The following ALKBH5 variants were observed in gnomAD, a reference collection of about 807,000 sequenced individuals.
The protein encoded by ALKBH5 is alkB homolog 5, RNA demethylase.
ALKBH5 carries 2 observed loss-of-function variants against 32.1 expected under a neutral mutation model. The observed-to-expected ratio is 0.06, with a 90% CI of 0.03 to 0.20. The LOEUF (loss-of-function observed/expected upper bound fraction) is 0.20. Among genes scored for constraint, ALKBH5 ranks in the 10% least tolerant of loss-of-function variants. ALKBH5 has a pLI of 1.00. For synonymous variants in ALKBH5, 300 were observed against 231.7 expected, an observed-to-expected ratio of 1.29 and a Z score of -2.68; for missense variants, 352 against 559.5, an observed-to-expected ratio of 0.63 and a Z score of 3.74.
intron 2 of ALKBH5, among the ~76,000 whole-genome samples, chr17:18,204,783 G>A (rs933034455): frequency 3.9e-5 from 6 of 151,932 alleles, no homozygotes; most frequent in African/African-American, 1.5e-4. Flanking sequence ...CTCATCTGGA[G>A]CCGGGCTTGA....
chr17:18,207,675 A>T lies in ALKBH5; in HGVS notation c.1008-544A>T, dbSNP rs546574579. 5.1e-3 allele frequency among the ~76,000 whole-genome samples: 778 copies of T among 151,872 alleles called. 3 individuals carry two copies. Among genetic ancestry groups the T allele is most frequent in the African/African-American group, 8.6e-3 (356 of 41,196 alleles). On this transcript the variant is annotated intron_variant, in intron 3 of 3. Transcript: ENST00000399138. ...AAGAATCCGTCTCAAAAAAAAAAAAAATATTTTTTAAGTGTTGGGGAAGGT... is the reference window on the plus strand; with the variant it reads ...AAGAATCCGTCTCAAAAAAAAAAAATATATTTTTTAAGTGTTGGGGAAGGT...
At chr17:18,206,085 C>G (rs1314894987) in intron 2 of ALKBH5, among the ~76,000 whole-genome samples, 2 of 152,170 alleles carry the variant, frequency 1.3e-5, no homozygotes, top group African/African-American at 4.8e-5. Flanking sequence ...GATCACTGCC[C>G]TGAGTTACCG....
intron 2 of ALKBH5, among the ~76,000 whole-genome samples, chr17:18,196,879 A>G (rs963981171): frequency 2.6e-5 from 4 of 152,158 alleles, no homozygotes; most frequent in African/African-American, 9.7e-5. Context: ...TCATTTATTC[A>G]ATCATTTATT....
chr17:18,190,173 C>T (rs1361214737), intron 1 of ALKBH5, among the ~76,000 whole-genome samples: 1 of 152,188 alleles, frequency 6.6e-6, no homozygotes, highest in Non-Finnish European at 1.5e-5. Flanking sequence ...AAATGGTGGC[C>T]ATCTTGGAAA....
intron 2 of ALKBH5, among the ~76,000 whole-genome samples, chr17:18,198,656 C>T (rs2047218560): frequency 6.6e-6 from 1 of 152,072 alleles, no homozygotes; most frequent in South Asian, 2.1e-4. Flanking sequence ...TGGTGGAGAC[C>T]CTGGGAGCTC....
intron 2 of ALKBH5, among the ~76,000 whole-genome samples, chr17:18,206,184 C>T (rs188263485): frequency 6.6e-6 from 1 of 152,302 alleles, no homozygotes; most frequent in Admixed American, 6.5e-5. Context: ...CCTATGGCTA[C>T]ACCTGCTGCT....
intron 2 of ALKBH5, 189 bp from the exon 3 acceptor site, chr17:18,206,626 T>G: frequency 1.6e-6 from 1 of 636,670 alleles, no homozygotes. Flanking sequence ...AAGGTGGACT[T>G]GAGGAGGGTC....
At position 18,184,046 on chromosome 17, in the gene ALKBH5, C is replaced by G. The variant is rs761560109; in HGVS notation, c.-198C>G. On this transcript the variant is annotated 5_prime_UTR_variant, in exon 1 of 4. Coordinates refer to ENST00000399138, the MANE Select transcript of ALKBH5 (RefSeq NM_017758.4). Reference sequence around the variant, plus strand: ...GGAGGAAGAAGCCCCGTTGTCGCCACCGTTGCATGACCCGCCGCTCCTGAG... The same window carrying G: ...GGAGGAAGAAGCCCCGTTGTCGCCAGCGTTGCATGACCCGCCGCTCCTGAG... 1.3e-4 allele frequency: 86 copies of G among 678,068 alleles called. No homozygotes were observed. Among genetic ancestry groups the G allele is most frequent in the Non-Finnish European group, 2.1e-5 (8 of 374,560 alleles). The allele number at this position is 678,068 out of a possible 1,614,324, so 42.0% of individuals were successfully genotyped here.
chr17:18,195,721 T>A (rs928339158), intron 2 of ALKBH5, among the ~76,000 whole-genome samples: 1 of 152,194 alleles, frequency 6.6e-6, no homozygotes, highest in Non-Finnish European at 1.5e-5. Context: ...CACTGCATCC[T>A]CAAAGTCCTG....
At chr17:18,189,935 C>T (rs369928993) in intron 1 of ALKBH5, among the ~76,000 whole-genome samples, 2 of 152,184 alleles carry the variant, frequency 1.3e-5, no homozygotes, top group Non-Finnish European at 2.9e-5. Flanking sequence ...GGCCATGGGT[C>T]GTCTTGGAGG....
rs1356049704 is a variant in ALKBH5, at chr17:18,183,878, G to C, written c.-366G>C. The C allele has an allele frequency of 7.8e-6, 3 of 384,576 alleles. No individual in the cohort carries two copies. The highest frequency in any genetic ancestry group is 4.4e-5 in the African/African-American group (2 of 45,266). 23.8% of individuals were successfully genotyped at this position (384,576 alleles called of 1,614,324 possible). ...GGCGGACGTCGGGCTGGCTGCCCGTGACGTCGTGCGGAGAGCTTTAAAGTG... is the reference window on the plus strand; with the variant it reads ...GGCGGACGTCGGGCTGGCTGCCCGTCACGTCGTGCGGAGAGCTTTAAAGTG... On this transcript the variant is annotated 5_prime_UTR_variant, in exon 1 of 4. Transcript: ENST00000399138.
chr17:18,197,628 C>T (rs1026948329), intron 2 of ALKBH5, among the ~76,000 whole-genome samples: 5 of 152,160 alleles, frequency 3.3e-5, no homozygotes, highest in Non-Finnish European at 7.3e-5. Context: ...TGAATGGTGA[C>T]TCCCATACCT....
At chr17:18,203,028 G>A (rs938476148) in intron 2 of ALKBH5, among the ~76,000 whole-genome samples, 3 of 149,222 alleles carry the variant, frequency 2.0e-5, no homozygotes, top group Non-Finnish European at 4.4e-5. Context: ...AACCAAGATC[G>A]TGCCACTGCA....
intron 2 of ALKBH5, among the ~76,000 whole-genome samples, chr17:18,205,706 G>T (rs2142490448): frequency 6.6e-6 from 1 of 152,270 alleles, no homozygotes; most frequent in East Asian, 1.9e-4. Context: ...GGGGAATGGG[G>T]GAAACTGAGG....
At chr17:18,203,824 T>G (rs879815835) in intron 2 of ALKBH5, among the ~76,000 whole-genome samples, 3 of 152,130 alleles carry the variant, frequency 2.0e-5, no homozygotes, top group African/African-American at 2.4e-5. Context: ...CCAGCTGTTA[T>G]GAGATGTACT....
intron 2 of ALKBH5, among the ~76,000 whole-genome samples, chr17:18,199,715 G>A (rs2047225437): frequency 6.6e-6 from 1 of 152,104 alleles, no homozygotes. Flanking sequence ...TGCTTCACAT[G>A]TAATAAGTTT....
rs376500210 is a variant in ALKBH5, at chr17:18,184,903, C to T, written c.660C>T (p.Phe220=). The change falls in exon 1 of 4, where the codon TTC becomes TTT. Residue 220 remains phenylalanine, a synonymous_variant. Coordinates refer to ENST00000399138, the MANE Select transcript of ALKBH5 (RefSeq NM_017758.4). ...IFERPIVSVS[F]FSDSALCFGC... is the part of the protein sequence containing the mutation. ...AGCGCCCCATCGTGTCCGTGTCCTT[C>T]TTTAGCGACTCTGCGCTGTGCTTCG... is the stretch of plus-strand genomic sequence containing the variant. The T allele has an allele frequency of 1.1e-5, 18 of 1,614,116 alleles. No individual in the cohort carries two copies. The highest frequency in any genetic ancestry group is 6.8e-6 in the Non-Finnish European group (8 of 1,180,044).
intron 2 of ALKBH5, among the ~76,000 whole-genome samples, chr17:18,198,576 C>G (rs2047218031): frequency 6.6e-6 from 1 of 152,126 alleles, no homozygotes; most frequent in Non-Finnish European, 1.5e-5. Context: ...GAGCCTGGCC[C>G]TGATTATGGT....
intron 1 of ALKBH5, among the ~76,000 whole-genome samples, chr17:18,187,506 A>G (rs1409007119): frequency 2.0e-5 from 3 of 152,198 alleles, no homozygotes; most frequent in Non-Finnish European, 2.9e-5. Flanking sequence ...TCTATCTGCT[A>G]GGTGCCAATA....
Sources: gnomAD v4.1 joint callset for allele counts (sites outside exome capture counted in the v4.1 genomes callset) on GRCh38, gnomAD v4.1.1 for gene constraint, MANE v1.5 for transcripts, NCBI Gene and HGNC (gene_info 2026-07-23, HGNC 2026-07-21) for gene names.